The following PPP2R5E variants were observed in gnomAD, a reference collection of about 807,000 sequenced individuals.
PPP2R5E encodes protein phosphatase 2 regulatory subunit B'epsilon, also known as serine/threonine-protein phosphatase 2A 56 kDa regulatory subunit epsilon isoform.
A neutral mutation model predicts 65.3 loss-of-function variants in PPP2R5E; 4 were observed. That is an observed-to-expected ratio of 0.06 (90% CI 0.03 to 0.14). The LOEUF is 0.14. Among genes scored for constraint, PPP2R5E ranks in the 10% least tolerant of loss-of-function variants. PPP2R5E has a pLI of 1.00. For synonymous variants in PPP2R5E, 183 were observed against 187.4 expected (o/e 0.98, Z 0.19); for missense variants, 274 against 556.1 (o/e 0.49, Z 5.10).
Position 63,371,742 on chromosome 14 carries a change from A to AC in PPP2R5E, c.*4266_*4267insG, listed in dbSNP as rs1250679478. 1 of 152,174 alleles carries AC rather than the reference A, an allele frequency of 6.6e-6. No homozygotes were observed. The highest frequency in any genetic ancestry group is 1.5e-5 in the Non-Finnish European group (1 of 68,024). 9.4% of individuals were successfully genotyped at this position (152,174 alleles called of 1,614,324 possible). A position where few individuals can be genotyped will look rare whatever the true frequency, so the allele number is the denominator to read the frequency against. ...CTCACAAAGAGATGCTGTTTAAAAAAACACACACACAGCTAAATTTAAAAC... is the reference window on the plus strand; with the variant it reads ...CTCACAAAGAGATGCTGTTTAAAAAACACACACACACAGCTAAATTTAAAAC... On this transcript the variant is annotated 3_prime_UTR_variant, in exon 14 of 14. Transcript: ENST00000337537.
At chr14:63,450,623 A>G (rs1888769987) in intron 3 of PPP2R5E, among the ~76,000 whole-genome samples, 1 of 152,226 alleles carries the variant, frequency 6.6e-6, no homozygotes, top group Non-Finnish European at 1.5e-5. Context: ...AAATGCCTAC[A>G]TTTTAAGGAG....
intron 2 of PPP2R5E, among the ~76,000 whole-genome samples, chr14:63,466,201 T>G (rs1889785044): frequency 6.6e-6 from 1 of 151,690 alleles, no homozygotes; most frequent in Admixed American, 6.6e-5. Flanking sequence ...AACAGCCCAC[T>G]TATCTGTTAA....
At chr14:63,403,029 T>A (rs1224249730) in intron 5 of PPP2R5E, among the ~76,000 whole-genome samples, 2 of 152,186 alleles carry the variant, frequency 1.3e-5, no homozygotes, top group Non-Finnish European at 2.9e-5. Context: ...ATTCACCTGG[T>A]GCAGGCCTTC....
At chr14:63,470,288 T>C (rs1890049449) in intron 2 of PPP2R5E, among the ~76,000 whole-genome samples, 1 of 151,974 alleles carries the variant, frequency 6.6e-6, no homozygotes, top group Non-Finnish European at 1.5e-5. Flanking sequence ...CCCAGGGTGG[T>C]CTTGAACTCC....
At chr14:63,415,011 TTATA>T (rs111300116) in intron 5 of PPP2R5E, 125 bp downstream of exon 5, 267 of 441,430 alleles carry the variant, frequency 6.0e-4, no homozygotes, top group South Asian at 7.8e-4. Flanking sequence ...TAACTTATGT[TTATA>T]TATATATATA....
chr14:63,487,746 C>A (rs74458184), intron 2 of PPP2R5E, among the ~76,000 whole-genome samples: 9,419 of 152,196 alleles, frequency 0.062, 905 homozygotes, highest in African/African-American at 0.21. Flanking sequence ...AAGAATACTT[C>A]CTCTTATTTC....
At chr14:63,396,343 G>A (rs1394532282) in intron 6 of PPP2R5E, among the ~76,000 whole-genome samples, 4 of 114,010 alleles carry the variant, frequency 3.5e-5, no homozygotes, top group African/African-American at 1.4e-4. Context: ...AGAGGAGGAA[G>A]AGGAGGGTGG....
In PPP2R5E at chr14:63,375,335, C is replaced by G. The variant is rs1183238050; in HGVS notation, c.*674G>C. The G allele has an allele frequency of 6.6e-6, 1 of 152,566 alleles. No individual in the cohort carries two copies. 9.5% of individuals were successfully genotyped at this position (152,566 alleles called of 1,614,324 possible). A position where few individuals can be genotyped will look rare whatever the true frequency, so the allele number is the denominator to read the frequency against. On this transcript the variant is annotated 3_prime_UTR_variant, in exon 14 of 14. Transcript: ENST00000337537. ...CATGAATCCGATATTCCCTTCCCTA[C>G]TATGTTTATCACCTCTTCTCTCTTA...
At chr14:63,467,222 C>CAAAAAAAA (rs767892639) in intron 2 of PPP2R5E, among the ~76,000 whole-genome samples, 1,253 of 113,824 alleles carry the variant, frequency 0.011, 182 homozygotes, top group African/African-American at 0.03. Context: ...GACTCCGTCT[C>CAAAAAAAA]AAAAAAAACA....
chr14:63,428,055 C>G (rs1255807409), intron 3 of PPP2R5E, among the ~76,000 whole-genome samples: 1 of 152,160 alleles, frequency 6.6e-6, no homozygotes, highest in Admixed American at 6.5e-5. Flanking sequence ...TTCTCATCAG[C>G]TCCTTCCGAG....
intron 2 of PPP2R5E, among the ~76,000 whole-genome samples, chr14:63,495,234 T>C (rs1024326499): frequency 1.4e-5 from 2 of 147,366 alleles, no homozygotes; most frequent in Middle Eastern, 3.5e-3. Context: ...TTCATAAAAA[T>C]ATATATAGTG....
At chr14:63,466,353 G>A (rs541511404) in intron 2 of PPP2R5E, among the ~76,000 whole-genome samples, 2 of 152,108 alleles carry the variant, frequency 1.3e-5, no homozygotes, top group East Asian at 3.9e-4. Flanking sequence ...CCTCTGTTGG[G>A]ATTTTAAAGT....
intron 5 of PPP2R5E, among the ~76,000 whole-genome samples, chr14:63,404,154 T>C (rs577894323): frequency 2.0e-5 from 3 of 152,302 alleles, no homozygotes; most frequent in South Asian, 2.1e-4. Context: ...TATAAACATA[T>C]TGGAATTTTA....
chr14:63,486,003 T>C (rs1030198624), intron 2 of PPP2R5E, among the ~76,000 whole-genome samples: 25 of 151,610 alleles, frequency 1.6e-4, no homozygotes, highest in Non-Finnish European at 3.2e-4. Flanking sequence ...CTAATTTTTG[T>C]ATTTTTAGTA....
intron 10 of PPP2R5E, among the ~76,000 whole-genome samples, chr14:63,391,015 GT>G (rs1346190537): frequency 1.2e-4 from 19 of 152,312 alleles, no homozygotes; most frequent in African/African-American, 4.1e-4. Context: ...AAGGTCTGTT[GT>G]CTATTCTAAG....
chr14:63,472,145 C>T (rs931340148), intron 2 of PPP2R5E, among the ~76,000 whole-genome samples: 2 of 152,118 alleles, frequency 1.3e-5, no homozygotes, highest in African/African-American at 2.4e-5. Flanking sequence ...ACCAAAAATA[C>T]AAAAATTAAT....
At chr14:63,391,611 T>C (rs931816437) in intron 10 of PPP2R5E, among the ~76,000 whole-genome samples, 4 of 152,048 alleles carry the variant, frequency 2.6e-5, no homozygotes, top group East Asian at 1.9e-4. Flanking sequence ...TTAGTAGAGA[T>C]AGGGTTTCTC....
At chr14:63,521,789 G>T (rs1892916733) in intron 2 of PPP2R5E, among the ~76,000 whole-genome samples, 1 of 152,154 alleles carries the variant, frequency 6.6e-6, no homozygotes, top group African/African-American at 2.4e-5. Flanking sequence ...AAAGTCCCCT[G>T]TTTCAATCTG....
Position 63,392,000 on chromosome 14 carries a change from A to G in PPP2R5E, c.875T>C (p.Leu292Pro), listed in dbSNP as rs1885049137. Residue 292 changes from leucine (L) to proline (P), a missense_variant, in exon 9 of 14, where the codon CTG (leucine) becomes CCG (proline). Physicochemically the swap from Leu to Pro is moderately conservative, Grantham distance 98 (BLOSUM62 -3). This residue lies in a region of PPP2R5E where 129 missense variants were observed against 254.9 expected (regional missense o/e 0.51). Transcript: ENST00000337537. ...AQLAYCIVQF[L>P]EKDPSLTEPV... ...TTCTGTGAGTGAAGGATCTTTCTCCAGAAACTGTACTATACAATATGCCAG... is the reference window on the plus strand; with the variant it reads ...TTCTGTGAGTGAAGGATCTTTCTCCGGAAACTGTACTATACAATATGCCAG... 1 of 1,610,646 alleles carries G rather than the reference A, an allele frequency of 6.2e-7. No homozygotes were observed. Among genetic ancestry groups the G allele is most frequent in the Non-Finnish European group, 8.5e-7 (1 of 1,178,988 alleles).
Sources: allele counts gnomAD v4.1 joint callset (sites outside exome capture counted in the v4.1 genomes callset), GRCh38; gene constraint gnomAD v4.1.1; regional missense constraint gnomAD v4.1.1; transcripts MANE v1.5; gene names NCBI Gene and HGNC (gene_info 2026-07-23, HGNC 2026-07-21).